The following PHLPP2 variants were observed in gnomAD, a reference collection of about 807,000 sequenced individuals.
PHLPP2 encodes the protein PH domain and leucine rich repeat protein phosphatase 2.
A neutral mutation model predicts 124.9 loss-of-function variants in PHLPP2; 66 were observed. The observed-to-expected ratio is 0.53, with a 90% confidence interval of 0.43 to 0.65. The LOEUF (loss-of-function observed/expected upper bound fraction) is 0.65, where lower values mean the gene tolerates loss of function less well. PHLPP2 is among the 30% of genes least tolerant of loss of function. The pLI, the probability that PHLPP2 is intolerant of heterozygous loss-of-function variation, is 0.00. For synonymous variants in PHLPP2, 681 were observed against 624.7 expected, an observed-to-expected ratio of 1.09 and a Z score of -1.34; for missense variants, 1,685 against 1,600.4, an observed-to-expected ratio of 1.05 and a Z score of -0.90.
intron 3 of PHLPP2, among the ~76,000 whole-genome samples, chr16:71,692,482 T>C (rs947547868): frequency 6.6e-6 from 1 of 152,214 alleles, no homozygotes; most frequent in Non-Finnish European, 1.5e-5. Flanking sequence ...CCATATACAA[T>C]ATGAGGAAAT....
rs2145297852 is a variant in PHLPP2, at chr16:71,647,325, T to G, written c.*1565A>C. ...GAATGTGCAAAGAGTATAGGTTTTC[T>G]GTAAGCTTAAGAATTTCTCAATGAA... On this transcript the variant is annotated 3_prime_UTR_variant, in exon 19 of 19. Transcript: ENST00000568954. 1 of 152,070 alleles carries G rather than the reference T, an allele frequency of 6.6e-6. No individual in the cohort carries two copies. The highest frequency in any genetic ancestry group is 1.9e-4 in the East Asian group (1 of 5,174). 9.4% of individuals were successfully genotyped at this position (152,070 alleles called of 1,614,324 possible). A position where few individuals can be genotyped will look rare whatever the true frequency, so the allele number is the denominator to read the frequency against.
At chr16:71,672,147 G>T (rs140130193) in intron 10 of PHLPP2, 115 bp downstream of exon 10, 1 of 720,948 alleles carries the variant, frequency 1.4e-6, no homozygotes, top group Non-Finnish European at 2.4e-6. Context: ...CCTTTTTCCA[G>T]GTTATCCAAG....
chr16:71,672,197 CA>C, intron 10 of PHLPP2, 64 bp downstream of exon 10: 1 of 1,235,306 alleles, frequency 8.1e-7, no homozygotes, highest in East Asian at 2.4e-5. Context: ...TCAAAACTGC[CA>C]AAAAATCCAC....
At chr16:71,655,106 T>G in intron 17 of PHLPP2, 134 bp downstream of exon 17, 1 of 660,146 alleles carries the variant, frequency 1.5e-6, no homozygotes, top group South Asian at 1.9e-5. Flanking sequence ...ATATAGAGAA[T>G]GATCATAGAA....
At chr16:71,709,217 G>C (rs564392976) in intron 2 of PHLPP2, among the ~76,000 whole-genome samples, 2 of 152,198 alleles carry the variant, frequency 1.3e-5, no homozygotes, top group African/African-American at 4.8e-5. Flanking sequence ...AATCAGTTCA[G>C]TATGTATCCT....
chr16:71,686,771 C>CTTT (rs545788678), intron 4 of PHLPP2, among the ~76,000 whole-genome samples: 7 of 142,804 alleles, frequency 4.9e-5, no homozygotes, highest in African/African-American at 1.8e-4. Context: ...AGTTCTTTCC[C>CTTT]TTTTTTTTTT....
At chr16:71,659,899 A>T (rs1338375143) in intron 13 of PHLPP2, among the ~76,000 whole-genome samples, 1 of 152,224 alleles carries the variant, frequency 6.6e-6, no homozygotes, top group Admixed American at 6.5e-5. Context: ...CATTTTGCTG[A>T]ATTTCCTATC....
intron 3 of PHLPP2, among the ~76,000 whole-genome samples, chr16:71,697,351 T>C (rs567974284): frequency 3.3e-5 from 5 of 152,106 alleles, no homozygotes; most frequent in East Asian, 1.9e-4. Context: ...AGGAACCAGG[T>C]AGAAGTGGCG....
intron 2 of PHLPP2, among the ~76,000 whole-genome samples, chr16:71,711,158 C>CA (rs2045321259): frequency 6.6e-6 from 1 of 151,836 alleles, no homozygotes; most frequent in African/African-American, 2.4e-5. Flanking sequence ...GGAGAAACCC[C>CA]GTCTCTACTA....
chr16:71,711,874 CT>C (rs758330050), intron 2 of PHLPP2, among the ~76,000 whole-genome samples: 8 of 152,166 alleles, frequency 5.3e-5, no homozygotes, highest in South Asian at 2.1e-4. Context: ...AGTAACAGAT[CT>C]AAAAACAATC....
At chr16:71,658,842 A>C (rs1343198667) in intron 13 of PHLPP2, 27 bp from the exon 14 acceptor site, 1 of 1,609,590 alleles carries the variant, frequency 6.2e-7, no homozygotes, top group Non-Finnish European at 8.5e-7. Flanking sequence ...AGAATACTAT[A>C]ATGCACCAAG....
chr16:71,665,242 G>A (rs749323632), intron 12 of PHLPP2, among the ~76,000 whole-genome samples: 10 of 151,602 alleles, frequency 6.6e-5, no homozygotes, highest in Non-Finnish European at 1.0e-4. Context: ...CCCAGGAGGC[G>A]GAGGTTGCAG....
At chr16:71,674,668 A>C (rs750030521) in intron 9 of PHLPP2, among the ~76,000 whole-genome samples, 4 of 152,172 alleles carry the variant, frequency 2.6e-5, no homozygotes, top group Admixed American at 1.3e-4. Context: ...TTGCATGAAT[A>C]TATCACTACC....
chr16:71,673,669 T>A (rs1308489980), intron 9 of PHLPP2, among the ~76,000 whole-genome samples: 2 of 152,186 alleles, frequency 1.3e-5, no homozygotes, highest in Non-Finnish European at 2.9e-5. Context: ...ATATTTCATT[T>A]ATCTGTACAT....
chr16:71,668,264 A>AC (rs1396428127), intron 11 of PHLPP2, among the ~76,000 whole-genome samples: 5 of 151,452 alleles, frequency 3.3e-5, no homozygotes, highest in African/African-American at 4.9e-5. Flanking sequence ...TACAAAAAAA[A>AC]ATTTAGCCGG....
chr16:71,717,192 T>C (rs900141549), intron 1 of PHLPP2, among the ~76,000 whole-genome samples: 3 of 152,140 alleles, frequency 2.0e-5, no homozygotes, highest in Non-Finnish European at 4.4e-5. Context: ...CATTGGAAAA[T>C]AGAAATACCT....
intron 1 of PHLPP2, chr16:71,723,383 AGGAACCGGCGGCCCTCCGAGCCCTCC>A (rs1251792339): frequency 6.6e-6 from 1 of 152,382 alleles, no homozygotes; most frequent in Admixed American, 6.5e-5. Flanking sequence ...CTCCTGTGCC[AGGAACCGGCGGCCCTCCGAGCCCTCC>A]GGAGCCGGCC....
chr16:71,713,613 A>T (rs187311764), intron 2 of PHLPP2, among the ~76,000 whole-genome samples: 2 of 152,296 alleles, frequency 1.3e-5, no homozygotes, highest in African/African-American at 2.4e-5. Flanking sequence ...GTAGACTCAA[A>T]ATTGAACACT....
intron 9 of PHLPP2, among the ~76,000 whole-genome samples, chr16:71,674,258 T>C (rs1349282538): frequency 1.3e-5 from 2 of 152,098 alleles, no homozygotes; most frequent in Non-Finnish European, 2.9e-5. Context: ...TTTGTATTTT[T>C]AGTAGAGATG....
Sources: allele counts gnomAD v4.1 joint callset (sites outside exome capture counted in the v4.1 genomes callset), GRCh38; gene constraint gnomAD v4.1.1; transcripts MANE v1.5; gene names NCBI Gene and HGNC (gene_info 2026-07-23, HGNC 2026-07-21).